The following SLCO1A2 variants were observed in gnomAD, a reference collection of about 807,000 sequenced individuals.
The protein encoded by SLCO1A2 is OATP-1.
A neutral mutation model predicts 69.0 loss-of-function variants in SLCO1A2; 67 were observed. The observed-to-expected ratio is 0.97, with a 90% CI of 0.80 to 1.19. The LOEUF is 1.19. Among genes scored for constraint, SLCO1A2 ranks in the 50% most tolerant of loss-of-function variants. The probability of loss-of-function intolerance (pLI) is 0.00; values close to 1 mark genes in which losing one functional copy is unlikely to be tolerated. For missense variants in SLCO1A2, 787 were observed against 793.7 expected (o/e 0.99, Z 0.10); for synonymous variants, 260 against 265.9 (o/e 0.98, Z 0.22).
intron 12 of SLCO1A2, among the ~76,000 whole-genome samples, chr12:21,288,064 G>A (rs1946238730): frequency 6.6e-6 from 1 of 150,648 alleles, no homozygotes. Context: ...CAACATGAAT[G>A]GAACTGGAGG....
At chr12:21,391,289 C>T (rs1941138742) in intron 1 of SLCO1A2, among the ~76,000 whole-genome samples, 1 of 152,198 alleles carries the variant, frequency 6.6e-6, no homozygotes, top group Admixed American at 6.5e-5. Flanking sequence ...AAATTTGATT[C>T]AAATGCTTTG....
intron 1 of SLCO1A2, chr12:21,374,580 C>G (rs1940049060): frequency 6.6e-6 from 1 of 152,062 alleles, no homozygotes; most frequent in Non-Finnish European, 1.5e-5. Flanking sequence ...CATTTCAAGG[C>G]TTATTTAGTT....
chr12:21,348,002 G>A (rs1024035240), intron 2 of SLCO1A2, among the ~76,000 whole-genome samples: 1 of 152,076 alleles, frequency 6.6e-6, no homozygotes, highest in African/African-American at 2.4e-5. Context: ...TCTTCATCAG[G>A]AAGTCCAATG....
At chr12:21,318,719 T>C (rs1305567342) in intron 3 of SLCO1A2, 63 bp downstream of exon 3, 14 of 1,427,760 alleles carry the variant, frequency 9.8e-6, no homozygotes, top group Non-Finnish European at 1.3e-5. Context: ...GAGAATAAAA[T>C]TCAGACTAGC....
chr12:21,399,814 G>A (rs1393499687), upstream of SLCO1A2, among the ~76,000 whole-genome samples: 1 of 139,566 alleles, frequency 7.2e-6, no homozygotes, highest in East Asian at 2.1e-4. Flanking sequence ...GGGAAAACTG[G>A]CTAGCCATAT....
chr12:21,312,605 G>A (rs931752439), intron 4 of SLCO1A2, among the ~76,000 whole-genome samples: 1 of 152,126 alleles, frequency 6.6e-6, no homozygotes, highest in Non-Finnish European at 1.5e-5. Flanking sequence ...TGAGAAATGT[G>A]CAACTCTTTC....
chr12:21,309,249 G>C (rs527749415), intron 4 of SLCO1A2, among the ~76,000 whole-genome samples: 1 of 152,134 alleles, frequency 6.6e-6, no homozygotes, highest in Non-Finnish European at 1.5e-5. Context: ...TAGAGATCTA[G>C]AAAGAGAAAA....
chr12:21,412,397 A>G (rs937174058), intron 1 of SLCO1A2, among the ~76,000 whole-genome samples: 1 of 152,118 alleles, frequency 6.6e-6, no homozygotes, highest in Non-Finnish European at 1.5e-5. Context: ...AAAAAGGTAT[A>G]TCTATGAAGT....
intron 4 of SLCO1A2, among the ~76,000 whole-genome samples, chr12:21,310,323 G>A (rs1418925440): frequency 6.6e-6 from 1 of 152,154 alleles, no homozygotes; most frequent in African/African-American, 2.4e-5. Context: ...TATTAAGTGT[G>A]CAATAGCATT....
At chr12:21,358,817 C>G (rs1205148751) in intron 2 of SLCO1A2, among the ~76,000 whole-genome samples, 3 of 151,990 alleles carry the variant, frequency 2.0e-5, no homozygotes, top group Admixed American at 2.0e-4. Flanking sequence ...GTCTAAATAC[C>G]TACCAAAGCC....
intron 1 of SLCO1A2, 34 bp downstream of exon 1, chr12:21,334,793 A>C (rs1952824314): frequency 1.6e-6 from 1 of 619,352 alleles, no homozygotes; most frequent in Non-Finnish European, 2.7e-6. Flanking sequence ...GAAAATGAAC[A>C]ACATAATTGA....
chr12:21,285,437 G>A (rs1356927636), intron 12 of SLCO1A2, among the ~76,000 whole-genome samples: 10 of 143,610 alleles, frequency 7.0e-5, no homozygotes, highest in Non-Finnish European at 1.4e-4. Flanking sequence ...GTACAAGGAG[G>A]AACTGGTACC....
intron 2 of SLCO1A2, among the ~76,000 whole-genome samples, chr12:21,321,832 A>G (rs967318751): frequency 1.3e-5 from 2 of 152,014 alleles, no homozygotes; most frequent in Non-Finnish European, 2.9e-5. Context: ...TTCATTCTTT[A>G]TCTTCCCACC....
intron 11 of SLCO1A2, among the ~76,000 whole-genome samples, chr12:21,292,886 C>T (rs989681467): frequency 2.6e-5 from 4 of 152,128 alleles, no homozygotes; most frequent in South Asian, 2.1e-4. Flanking sequence ...TGAGACACCG[C>T]GCCCAGCTAA....
At chr12:21,308,979 A>G (rs1436417445) in intron 4 of SLCO1A2, among the ~76,000 whole-genome samples, 3 of 152,240 alleles carry the variant, frequency 2.0e-5, no homozygotes, top group Non-Finnish European at 4.4e-5. Context: ...GCCAGAGACC[A>G]AGAAGAAAGA....
chr12:21,275,736 C>T (rs10431251), intron 12 of SLCO1A2, among the ~76,000 whole-genome samples: 33,782 of 151,878 alleles, frequency 0.22, 4,072 homozygotes, highest in East Asian at 0.35. Flanking sequence ...AGGTCAGGAG[C>T]TCGAGACCAG....
chr12:21,322,185 A>G (rs577998883), intron 2 of SLCO1A2, among the ~76,000 whole-genome samples: 7 of 152,240 alleles, frequency 4.6e-5, no homozygotes, highest in Non-Finnish European at 1.0e-4. Flanking sequence ...CAGAAATGTA[A>G]TTCTCATAGT....
upstream of SLCO1A2, among the ~76,000 whole-genome samples, chr12:21,397,334 A>G (rs1941505671): frequency 6.6e-6 from 1 of 152,172 alleles, no homozygotes; most frequent in South Asian, 2.1e-4. Flanking sequence ...TATCCTAAAT[A>G]TATGTGCACC....
intron 1 of SLCO1A2, among the ~76,000 whole-genome samples, chr12:21,382,247 A>G (rs1940631207): frequency 6.6e-6 from 1 of 152,178 alleles, no homozygotes; most frequent in Non-Finnish European, 1.5e-5. Flanking sequence ...CAAAAACTGT[A>G]TGTTCTCACT....
Sources: allele counts gnomAD v4.1 joint callset (sites outside exome capture counted in the v4.1 genomes callset), GRCh38; gene constraint gnomAD v4.1.1; transcripts MANE v1.5; gene names NCBI Gene and HGNC (gene_info 2026-07-23, HGNC 2026-07-21).